Variants in LHFPL3 observed in about 807,000 individuals in gnomAD.
LHFPL3 encodes LHFPL tetraspan subfamily member 3 protein.
LHFPL3 carries 5 observed loss-of-function variants against 19.3 expected under a neutral mutation model. That is an observed-to-expected ratio of 0.26 (90% confidence interval 0.14 to 0.54). The LOEUF is 0.54. Among genes scored for constraint, LHFPL3 ranks in the 20% least tolerant of loss-of-function variants. The pLI, the probability that LHFPL3 is intolerant of heterozygous loss-of-function variation, is 0.94. For synonymous variants in LHFPL3, 133 were observed against 126.2 expected (o/e 1.05, Z -0.36); for missense variants, 249 against 307.4 (o/e 0.81, Z 1.42).
intron 2 of LHFPL3, among the ~76,000 whole-genome samples, chr7:104,850,688 C>T (rs74489559): frequency 1.7e-3 from 261 of 151,942 alleles, no homozygotes; most frequent in African/African-American, 4.4e-3. Flanking sequence ...TTATTAGAAA[C>T]GCAAGTTTTC....
chr7:104,595,127 T>A (rs1453502780), intron 1 of LHFPL3, among the ~76,000 whole-genome samples: 1 of 152,218 alleles, frequency 6.6e-6, no homozygotes, highest in East Asian at 1.9e-4. Flanking sequence ...GCACTCTGAT[T>A]TTGAGAATTT....
chr7:104,539,041 C>T (rs972439029), intron 1 of LHFPL3, among the ~76,000 whole-genome samples: 7 of 152,152 alleles, frequency 4.6e-5, no homozygotes, highest in African/African-American at 1.4e-4. Flanking sequence ...ATGGCCTCTA[C>T]AAGCTAGGAG....
At chr7:104,656,112 C>T (rs1046115049) in intron 1 of LHFPL3, among the ~76,000 whole-genome samples, 6 of 152,052 alleles carry the variant, frequency 3.9e-5, no homozygotes, top group Non-Finnish European at 7.4e-5. Context: ...AATATTACTG[C>T]TCCTAATTTT....
At chr7:104,544,125 C>A (rs1014973523) in intron 1 of LHFPL3, among the ~76,000 whole-genome samples, 1 of 151,442 alleles carries the variant, frequency 6.6e-6, no homozygotes, top group African/African-American at 2.4e-5. Flanking sequence ...TTCTAACTAA[C>A]CTAGGTGCTA....
At chr7:104,616,090 C>T (rs1047535570) in intron 1 of LHFPL3, among the ~76,000 whole-genome samples, 1 of 152,102 alleles carries the variant, frequency 6.6e-6, no homozygotes, top group Middle Eastern at 3.2e-3. Context: ...TCAATGCTAT[C>T]CCCATCAAGC....
intron 1 of LHFPL3, among the ~76,000 whole-genome samples, chr7:104,508,455 A>C (rs1245208045): frequency 2.3e-5 from 2 of 88,682 alleles, no homozygotes; most frequent in Non-Finnish European, 4.1e-5. Flanking sequence ...TCTGGGGACT[A>C]TTGTGGGGTG....
At chr7:104,841,389 G>T (rs1348274998) in intron 2 of LHFPL3, among the ~76,000 whole-genome samples, 1 of 152,006 alleles carries the variant, frequency 6.6e-6, no homozygotes, top group Non-Finnish European at 1.5e-5. Flanking sequence ...TCCATCCTAG[G>T]AGCATGGATA....
chr7:104,329,267 C>A (rs1221914884), intron 1 of LHFPL3, 43 bp downstream of exon 1: 3 of 1,547,584 alleles, frequency 1.9e-6, no homozygotes, highest in African/African-American at 2.7e-5. Context: ...GACCCCGGGG[C>A]GCCCGAGCCG....
At chr7:104,670,006 C>G (rs1792441157) in intron 1 of LHFPL3, among the ~76,000 whole-genome samples, 1 of 152,272 alleles carries the variant, frequency 6.6e-6, no homozygotes, top group South Asian at 2.1e-4. Context: ...TATGAATTCT[C>G]AAACATTATC....
chr7:104,678,856 C>A (rs1230165363), intron 1 of LHFPL3, among the ~76,000 whole-genome samples: 2 of 152,112 alleles, frequency 1.3e-5, no homozygotes, highest in Non-Finnish European at 2.9e-5. Flanking sequence ...ACATGAAATT[C>A]TTTTTCATTT....
chr7:104,403,270 C>T (rs758437918), intron 1 of LHFPL3, among the ~76,000 whole-genome samples: 9 of 152,210 alleles, frequency 5.9e-5, no homozygotes, highest in East Asian at 3.8e-4. Context: ...TTTTGACACA[C>T]GGGCAAGGGT....
At chr7:104,340,404 A>G (rs1411616549) in intron 1 of LHFPL3, among the ~76,000 whole-genome samples, 2 of 152,160 alleles carry the variant, frequency 1.3e-5, no homozygotes, top group East Asian at 1.9e-4. Flanking sequence ...TAAATAAAAT[A>G]TATTTTCTTC....
intron 1 of LHFPL3, among the ~76,000 whole-genome samples, chr7:104,356,371 A>T (rs146908935): frequency 6.6e-6 from 1 of 152,214 alleles, no homozygotes; most frequent in Non-Finnish European, 1.5e-5. Flanking sequence ...CTAGTTTGAG[A>T]AACACCTGAT....
At chr7:104,522,768 G>A (rs1270300358) in intron 1 of LHFPL3, among the ~76,000 whole-genome samples, 4 of 152,096 alleles carry the variant, frequency 2.6e-5, no homozygotes, top group Non-Finnish European at 4.4e-5. Flanking sequence ...ACTGGGGAAG[G>A]CTCACAGCAT....
intron 1 of LHFPL3, among the ~76,000 whole-genome samples, chr7:104,631,158 C>A (rs78702987): frequency 0.11 from 16,459 of 152,118 alleles, 1,060 homozygotes; most frequent in Non-Finnish European, 0.14. Context: ...ACAACAACAA[C>A]AACAAAGCAT....
At chr7:104,802,799 C>T (rs1790281438) in intron 2 of LHFPL3, 1 of 152,252 alleles carries the variant, frequency 6.6e-6, no homozygotes, top group Non-Finnish European at 1.5e-5. Context: ...CCTTTCCAAC[C>T]CCAATGCCAA....
chr7:104,610,644 A>G (rs1791196299), intron 1 of LHFPL3, among the ~76,000 whole-genome samples: 1 of 152,146 alleles, frequency 6.6e-6, no homozygotes, highest in Non-Finnish European at 1.5e-5. Flanking sequence ...AAGCAGAGAG[A>G]GAGAATTGTT....
intron 1 of LHFPL3, among the ~76,000 whole-genome samples, chr7:104,603,079 TTTCTTTCTTTCTTTCTTTC>T (rs1791005933): frequency 1.0e-5 from 1 of 95,706 alleles, no homozygotes; most frequent in African/African-American, 4.1e-5. Context: ...TCTTTCTTTC[TTTCTTTCTTTCTTTCTTTC>T]TTTCTTTCTT....
intron 1 of LHFPL3, among the ~76,000 whole-genome samples, chr7:104,588,226 C>G (rs1033052605): frequency 6.6e-6 from 1 of 152,146 alleles, no homozygotes; most frequent in South Asian, 2.1e-4. Context: ...CCTAGGTTTT[C>G]TTCTAAGGTT....
Sources: allele counts gnomAD v4.1 joint callset (sites outside exome capture counted in the v4.1 genomes callset), GRCh38; gene constraint gnomAD v4.1.1; transcripts MANE v1.5; gene names NCBI Gene and HGNC (gene_info 2026-07-23, HGNC 2026-07-21).